The following MYH15 variants were observed in gnomAD, a reference collection of about 807,000 sequenced individuals.
MYH15 encodes myosin-15.
Under a neutral mutation model 240.5 loss-of-function variants are expected in MYH15, and 227 were observed. That is an observed-to-expected ratio of 0.94 (90% CI 0.85 to 1.05). The LOEUF (loss-of-function observed/expected upper bound fraction) is 1.05. Among genes scored for constraint, MYH15 ranks in the 50% least tolerant of loss-of-function variants. The probability of loss-of-function intolerance (pLI) is 0.00; values close to 1 mark genes in which losing one functional copy is unlikely to be tolerated. For missense variants in MYH15, 2,217 were observed against 2,247.5 expected (o/e 0.99, Z 0.27); for synonymous variants, 785 against 796.7 (o/e 0.99, Z 0.25).
At chr3:108,406,859 C>T (rs761912865) in intron 32 of MYH15, among the ~76,000 whole-genome samples, 1 of 152,132 alleles carries the variant, frequency 6.6e-6, no homozygotes, top group Non-Finnish European at 1.5e-5. Context: ...ACAAAGATGC[C>T]TCTGTGTTAT....
At position 108,430,812 on chromosome 3, in the gene MYH15, C is replaced by A; in HGVS notation, c.3312+20G>T. ...ATGGATCTAAATATAAATACACAGG[C>A]ATATTTGATAATTGATTACCTGAAG... On this transcript the variant is annotated intron_variant, in intron 26 of 40. Transcript: ENST00000693548. 2 of 1,558,326 alleles carry A rather than the reference C, an allele frequency of 1.3e-6. No individual in the cohort carries two copies. Among genetic ancestry groups the A allele is most frequent in the Non-Finnish European group, 1.8e-6 (2 of 1,132,918 alleles).
At chr3:108,390,329 T>A (rs2082414555) in intron 37 of MYH15, among the ~76,000 whole-genome samples, 1 of 152,190 alleles carries the variant, frequency 6.6e-6, no homozygotes, top group Admixed American at 6.5e-5. Context: ...TTATCTGATA[T>A]TAAGGAGTTC....
At chr3:108,387,678 C>T (rs189450890) in intron 38 of MYH15, among the ~76,000 whole-genome samples, 217 of 152,298 alleles carry the variant, frequency 1.4e-3, no homozygotes, top group Non-Finnish European at 2.6e-3. Context: ...CTCCACCTTC[C>T]TCAAAGTAGA....
intron 25 of MYH15, among the ~76,000 whole-genome samples, chr3:108,431,804 G>A (rs182699171): frequency 6.6e-5 from 10 of 152,276 alleles, no homozygotes; most frequent in Admixed American, 1.3e-4. Context: ...GAATAGCTTC[G>A]ACCAAAATGC....
chr3:108,464,874 G>T, intron 14 of MYH15, 60 bp from the exon 15 acceptor site: 3 of 1,443,082 alleles, frequency 2.1e-6, no homozygotes, highest in South Asian at 1.4e-5. Flanking sequence ...TTCAGTAGGG[G>T]GTCAGTATAA....
chr3:108,431,006 CAAAGA>C, intron 25 of MYH15, 84 bp from the exon 26 acceptor site: 1 of 925,008 alleles, frequency 1.1e-6, no homozygotes, highest in Non-Finnish European at 1.7e-6. Flanking sequence ...ATTCCTAACA[CAAAGA>C]AAAGATAAAT....
At position 108,410,841 on chromosome 3, in the gene MYH15, G is replaced by C; in HGVS notation, c.4237C>G (p.Leu1413Val). ...NASLERARHQ[L>V]QLELGDALSD... ...AGGGCGTCCCCGAGCTCCAGCTGCA[G>C]CTGGTGCCTGGCTCTCTCCAAGGAG... is the stretch of plus-strand genomic sequence containing the variant. The change falls in exon 31 of 41, where the codon CTG becomes GTG. Residue 1413 changes from leucine to valine, a missense_variant. Transcript: ENST00000693548. 1 of 1,614,004 alleles carries C rather than the reference G, an allele frequency of 6.2e-7. No individual in the cohort carries two copies.
At chr3:108,414,500 T>A in intron 29 of MYH15, 72 bp from the exon 30 acceptor site, 1 of 1,391,238 alleles carries the variant, frequency 7.2e-7, no homozygotes. Flanking sequence ...GTAAGCTAAT[T>A]TTTTTTTTAG....
intron 33 of MYH15, among the ~76,000 whole-genome samples, chr3:108,402,596 C>T (rs2107543207): frequency 6.6e-6 from 1 of 152,348 alleles, no homozygotes; most frequent in East Asian, 1.9e-4. Flanking sequence ...CCTAGCCTTT[C>T]AATCAGTGAT....
At chr3:108,436,521 C>G (rs1282799884) in intron 25 of MYH15, among the ~76,000 whole-genome samples, 2 of 152,158 alleles carry the variant, frequency 1.3e-5, no homozygotes, top group Non-Finnish European at 2.9e-5. Flanking sequence ...TGGGCCTCAA[C>G]CATTGATATA....
intron 35 of MYH15, among the ~76,000 whole-genome samples, chr3:108,398,432 G>C (rs1362333298): frequency 6.6e-6 from 1 of 152,176 alleles, no homozygotes; most frequent in Admixed American, 6.5e-5. Context: ...GTTGCTTTAC[G>C]CCACCCTGTT....
intron 1 of MYH15, among the ~76,000 whole-genome samples, chr3:108,519,605 A>G (rs1358531487): frequency 2.0e-5 from 3 of 152,210 alleles, no homozygotes; most frequent in African/African-American, 7.2e-5. Flanking sequence ...ATCGAGGGCT[A>G]TACTTTTGTG....
At chr3:108,498,717 G>C (rs2083413502) in intron 5 of MYH15, among the ~76,000 whole-genome samples, 1 of 152,204 alleles carries the variant, frequency 6.6e-6, no homozygotes, top group Non-Finnish European at 1.5e-5. Flanking sequence ...AGTTTATCCT[G>C]TCTGTGAAAG....
rs771555483 is a variant in MYH15 at position 108,505,794 on chromosome 3, C to T, written c.124G>A (p.Ala42Thr). 3.7e-6 allele frequency: 6 copies of T among 1,610,548 alleles called. No individual in the cohort carries two copies. The East Asian group carries it at 1.3e-4, about 36-fold the overall frequency. Residue 42 changes from alanine (A) to threonine (T), a missense_variant, in exon 2 of 41, where the codon GCT becomes ACT. Coordinates refer to ENST00000693548, the MANE Select transcript of MYH15 (RefSeq NM_014981.3). The part of the protein sequence containing the change: ...KKCWIPDGEN[A>T]YIEAEVKGSE... ...CCTTTTACCTCAGCCTCGATATAAG[C>T]ATTCTCACCATCAGGAATCCAGCAT...
rs754094582 is a variant in MYH15, at chr3:108,505,833, T to C, written c.89-4A>G. The C allele has an allele frequency of 6.4e-7, 1 of 1,553,794 alleles. No homozygotes were observed. The highest frequency in any genetic ancestry group is 8.7e-7 in the Non-Finnish European group (1 of 1,153,820). ...GGAATCCAGCATTTCTTCTTCCCTG[T>C]AGAGCAAAAAAAAAAAAAAATGGAT... On this transcript the variant is annotated splice_polypyrimidine_tract_variant and splice_region_variant and intron_variant, in intron 1 of 40. Transcript: ENST00000693548.
At chr3:108,477,725 G>T (rs1560410462) in intron 11 of MYH15, among the ~76,000 whole-genome samples, 1 of 152,104 alleles carries the variant, frequency 6.6e-6, no homozygotes, top group Admixed American at 6.6e-5. Context: ...CAAGGTCTCT[G>T]TTTGCTCCGT....
chr3:108,547,809 T>TTCAA, the MYH15 span, among the ~76,000 whole-genome samples: 2 of 152,276 alleles, frequency 1.3e-5, no homozygotes, highest in South Asian at 4.1e-4. Flanking sequence ...TAATAACTGA[T>TTCAA]TCAAGTAAGA....
intron 10 of MYH15, 97 bp from the exon 11 acceptor site, chr3:108,485,326 G>T: frequency 7.3e-7 from 1 of 1,374,636 alleles, no homozygotes. Flanking sequence ...TGTGGGCTGA[G>T]GGGAATGAGA....
At position 108,456,629 on chromosome 3, in the gene MYH15, C is replaced by A. The variant is rs984776648; in HGVS notation, c.2138+137G>T. 1.4e-5 allele frequency: 9 copies of A among 638,656 alleles called. No individual in the cohort carries two copies. In the African/African-American group the frequency reaches 1.6e-4, roughly 12 times the overall value. The allele number at this position is 638,656 out of a possible 1,614,324, so 39.6% of individuals were successfully genotyped here. A position where few individuals can be genotyped will look rare whatever the true frequency, so the allele number is the denominator to read the frequency against. ...ATAATGGAACTCTGTCATCATATAT[C>A]TTCCCACCACCAAAACACATCGATT... On this transcript the variant is annotated intron_variant, in intron 19 of 40. Coordinates refer to ENST00000693548, the MANE Select transcript of MYH15 (RefSeq NM_014981.3).
Sources: gnomAD v4.1 joint callset for allele counts (sites outside exome capture counted in the v4.1 genomes callset) on GRCh38, gnomAD v4.1.1 for gene constraint, MANE v1.5 for transcripts, NCBI Gene and HGNC (gene_info 2026-07-23, HGNC 2026-07-21) for gene names.